The following UNC80 variants were observed in gnomAD, a reference collection of about 807,000 sequenced individuals.
UNC80 encodes the protein protein unc-80 homolog.
Under a neutral mutation model 384.6 loss-of-function variants are expected in UNC80, and 164 were observed. The ratio of observed to expected loss-of-function variants is 0.43; its 90% CI spans 0.38 to 0.49. The LOEUF is 0.49. Among genes scored for constraint, UNC80 ranks in the 20% least tolerant of loss-of-function variants. The pLI is 0.00. For missense variants in UNC80, 3,330 were observed against 4,143.0 expected, an observed-to-expected ratio of 0.80 and a Z score of 5.39; for synonymous variants, 1,486 against 1,527.8, an observed-to-expected ratio of 0.97 and a Z score of 0.64.
rs140871085 is a variant in UNC80, at chr2:209,935,349, C to T, written c.6179-365C>T. 3.7e-3 allele frequency among the ~76,000 whole-genome samples: 559 copies of T among 152,134 alleles called. 3 individuals carry two copies. Among genetic ancestry groups the T allele is most frequent in the African/African-American group, 0.013 (524 of 41,488 alleles). Reference sequence around the variant, plus strand: ...GAAGTATTGAGAACTTGGCCTAGCGCGGTGGCTCACTCCTGTAATCTCCGC... The same window carrying T: ...GAAGTATTGAGAACTTGGCCTAGCGTGGTGGCTCACTCCTGTAATCTCCGC... On this transcript the variant is annotated intron_variant, in intron 39 of 64. Coordinates refer to ENST00000673920, the MANE Select transcript of UNC80 (RefSeq NM_001371986.1).
chr2:209,822,582 T>A (rs1014380061), intron 13 of UNC80, among the ~76,000 whole-genome samples: 2 of 152,282 alleles, frequency 1.3e-5, no homozygotes, highest in East Asian at 3.9e-4. Context: ...TATTATGAAA[T>A]ATTGATAAGC....
Position 209,921,536 on chromosome 2 carries a change from C to G in UNC80, c.5380C>G (p.Gln1794Glu), listed in dbSNP as rs1477224260. The change falls in exon 34 of 65, where the codon CAA becomes GAA. Residue 1794 changes from glutamine to glutamate, a missense_variant. Physicochemically the swap from Gln to Glu is conservative, Grantham distance 29. Transcript: ENST00000673920. ...AGCCCGGGCTGTGTCCCGCTCCCATCAAAGGGCAGAACACATCTTAAAGAA... is the reference window on the plus strand; with the variant it reads ...AGCCCGGGCTGTGTCCCGCTCCCATGAAAGGGCAGAACACATCTTAAAGAA... Reference protein sequence around the residue: ...FSARAVSRSHQRAEHILKNLQ... With the variant: ...FSARAVSRSHERAEHILKNLQ... 2.0e-6 allele frequency: 3 copies of G among 1,534,374 alleles called. No individual in the cohort carries two copies. The South Asian group carries it at 3.6e-5, about 18-fold the overall frequency.
intron 7 of UNC80, among the ~76,000 whole-genome samples, chr2:209,809,933 C>G (rs1458222766): frequency 6.6e-6 from 1 of 152,130 alleles, no homozygotes; most frequent in Non-Finnish European, 1.5e-5. Context: ...GTTTGAGCTA[C>G]AGGACAAGAG....
chr2:209,828,447 A>G (rs1377991925), intron 14 of UNC80, among the ~76,000 whole-genome samples: 1 of 152,180 alleles, frequency 6.6e-6, no homozygotes, highest in Non-Finnish European at 1.5e-5. Context: ...TGGAGAGATT[A>G]TAACAAAGTT....
chr2:209,879,619 T>A (rs1008125271), intron 24 of UNC80, among the ~76,000 whole-genome samples: 5 of 152,192 alleles, frequency 3.3e-5, no homozygotes, highest in Non-Finnish European at 7.3e-5. Flanking sequence ...TGTTCAATTA[T>A]TTTTTAAAAA....
chr2:209,888,388 C>G (rs2086023590), intron 26 of UNC80, 128 bp downstream of exon 26: 1 of 991,058 alleles, frequency 1.0e-6, no homozygotes, highest in Non-Finnish European at 1.5e-6. Context: ...ACTGTGTAGG[C>G]TTTATGATGG....
chr2:209,779,755 A>G (rs2077055085), intron 4 of UNC80, among the ~76,000 whole-genome samples: 1 of 152,228 alleles, frequency 6.6e-6, no homozygotes, highest in Non-Finnish European at 1.5e-5. Flanking sequence ...TTTAAAATGG[A>G]GAGGACAGGA....
rs1360787915 is a variant in UNC80 at position 209,842,365 on chromosome 2, G to T, written c.3373G>T (p.Ala1125Ser). Residue 1125 changes from alanine (A) to serine (S), a missense_variant, in exon 21 of 65, where the codon GCT (alanine) becomes TCT (serine). Transcript: ENST00000673920. ...RQSSKVKFTS[A>S]VKLSEGGPGS... Reference sequence around the variant, plus strand: ...CTTTTTTCAGGTCAAATTCACTAGTGCTGTGAAGCTTTCTGAAGGTGGGCC... The same window carrying T: ...CTTTTTTCAGGTCAAATTCACTAGTTCTGTGAAGCTTTCTGAAGGTGGGCC... The T allele has an allele frequency of 1.3e-6, 2 of 1,549,654 alleles. No homozygotes were observed. The highest frequency in any genetic ancestry group is 1.7e-6 in the Non-Finnish European group (2 of 1,145,974).
chr2:209,830,711 GAT>G (rs2080893227), intron 15 of UNC80, among the ~76,000 whole-genome samples: 2 of 152,156 alleles, frequency 1.3e-5, no homozygotes, highest in African/African-American at 4.8e-5. Flanking sequence ...ACGGGCACAG[GAT>G]ACCTATGAAA....
intron 48 of UNC80, among the ~76,000 whole-genome samples, chr2:209,955,692 AATAT>A (rs57804600): frequency 0.044 from 2,226 of 51,058 alleles, 69 homozygotes; most frequent in Non-Finnish European, 0.054. Context: ...CTGTATTTCT[AATAT>A]ATATATATAT....
At chr2:209,856,929 A>G (rs2082977580) in intron 22 of UNC80, among the ~76,000 whole-genome samples, 1 of 152,044 alleles carries the variant, frequency 6.6e-6, no homozygotes, top group Non-Finnish European at 1.5e-5. Context: ...AGCTGGGACT[A>G]CAGGCACCCG....
intron 22 of UNC80, among the ~76,000 whole-genome samples, chr2:209,856,289 C>T (rs867992938): frequency 6.6e-6 from 1 of 151,996 alleles, no homozygotes; most frequent in Non-Finnish European, 1.5e-5. Context: ...TGTTCATTCT[C>T]TTATTGGAAG....
intron 30 of UNC80, among the ~76,000 whole-genome samples, chr2:209,913,417 A>T (rs1417962747): frequency 6.6e-6 from 1 of 152,154 alleles, no homozygotes; most frequent in Non-Finnish European, 1.5e-5. Context: ...CAGGCTGCTT[A>T]TAGTTTTTGG....
chr2:209,970,051 G>C, intron 53 of UNC80, 160 bp downstream of exon 53: 1 of 944,206 alleles, frequency 1.1e-6, no homozygotes, highest in South Asian at 1.7e-5. Context: ...ACATTTCAAG[G>C]TGGTGTGTGG....
intron 59 of UNC80, among the ~76,000 whole-genome samples, chr2:209,980,297 G>C (rs914088630): frequency 2.6e-5 from 4 of 152,092 alleles, no homozygotes; most frequent in Non-Finnish European, 5.9e-5. Context: ...ACCTATTTTT[G>C]TAGAGCTAAA....
In UNC80 at chr2:209,913,792, C is replaced by T. The variant is rs1447499226; in HGVS notation, c.4891-10C>T. The stretch of plus-strand genomic sequence containing the variant: ...AAAGATTTTAAAACATGATTTCCAT[C>T]TTTTCCCAGGTGATGAGCTTGTCGC... On this transcript the variant is annotated splice_polypyrimidine_tract_variant and intron_variant, in intron 30 of 64. Coordinates refer to ENST00000673920, the MANE Select transcript of UNC80 (RefSeq NM_001371986.1). 4 of 1,537,718 alleles carry T rather than the reference C, an allele frequency of 2.6e-6. No individual in the cohort carries two copies. In the South Asian group the frequency reaches 4.8e-5, roughly 19 times the overall value.
At chr2:209,979,349 G>A (rs901868987) in intron 59 of UNC80, among the ~76,000 whole-genome samples, 2 of 149,602 alleles carry the variant, frequency 1.3e-5, no homozygotes. Flanking sequence ...AACTAACCAA[G>A]GAAAGCACTT....
intron 29 of UNC80, among the ~76,000 whole-genome samples, chr2:209,910,026 A>C (rs1182897796): frequency 2.0e-5 from 3 of 149,206 alleles, no homozygotes; most frequent in Non-Finnish European, 4.5e-5. Flanking sequence ...GAAGAGTTTG[A>C]ATTTCACTGA....
chr2:209,934,339 A>G (rs2124970179), intron 39 of UNC80, among the ~76,000 whole-genome samples: 1 of 152,298 alleles, frequency 6.6e-6, no homozygotes, highest in African/African-American at 2.4e-5. Flanking sequence ...CAGTGCAAGA[A>G]TAATATTGTT....
Sources: gnomAD v4.1 joint callset for allele counts (sites outside exome capture counted in the v4.1 genomes callset) on GRCh38, gnomAD v4.1.1 for gene constraint, MANE v1.5 for transcripts, NCBI Gene and HGNC (gene_info 2026-07-23, HGNC 2026-07-21) for gene names.